Variants in ANKS1B observed in about 807,000 individuals in gnomAD.
ANKS1B encodes ankyrin repeat and sterile alpha motif domain-containing protein 1B.
A neutral mutation model predicts 148.3 loss-of-function variants in ANKS1B; 36 were observed. That is an observed-to-expected ratio of 0.24 (90% CI 0.19 to 0.32). The LOEUF is 0.32. ANKS1B is among the 10% of genes least tolerant of loss of function. ANKS1B has a pLI of 1.00. For missense variants in ANKS1B, 1,157 were observed against 1,542.6 expected (o/e 0.75, Z 4.19); for synonymous variants, 542 against 560.8 (o/e 0.97, Z 0.47).
At chr12:99,538,981 C>T (rs1003191874) in intron 9 of ANKS1B, among the ~76,000 whole-genome samples, 5 of 152,134 alleles carry the variant, frequency 3.3e-5, no homozygotes, top group Admixed American at 1.3e-4. Context: ...GCTTTTTCAG[C>T]ATCAATCGAA....
At chr12:99,742,933 A>C (rs1198148682) in intron 8 of ANKS1B, among the ~76,000 whole-genome samples, 1 of 152,020 alleles carries the variant, frequency 6.6e-6, no homozygotes, top group Non-Finnish European at 1.5e-5. Flanking sequence ...ATTTTTTAGC[A>C]AATCCTCACA....
chr12:99,871,227 T>G (rs2091470241), intron 1 of ANKS1B, among the ~76,000 whole-genome samples: 1 of 152,156 alleles, frequency 6.6e-6, no homozygotes, highest in Non-Finnish European at 1.5e-5. Flanking sequence ...TGTAGGTGTG[T>G]GGCTTCATTT....
intron 9 of ANKS1B, among the ~76,000 whole-genome samples, chr12:98,737,876 A>G (rs2097781089): frequency 4.6e-5 from 7 of 152,252 alleles, no homozygotes; most frequent in Admixed American, 4.6e-4. Context: ...GACATTTTAT[A>G]TTATAATTTA....
chr12:98,763,300 T>C (rs1190705927), intron 25 of ANKS1B, among the ~76,000 whole-genome samples: 1 of 152,236 alleles, frequency 6.6e-6, no homozygotes, highest in Non-Finnish European at 1.5e-5. Context: ...GCTCTACCTA[T>C]AGTTAGTTCT....
chr12:99,976,625 C>A (rs2095632984), intron 1 of ANKS1B, among the ~76,000 whole-genome samples: 1 of 152,106 alleles, frequency 6.6e-6, no homozygotes, highest in Non-Finnish European at 1.5e-5. Flanking sequence ...AAGTGATTAA[C>A]CACTTCAAAT....
chr12:99,044,936 G>C (rs1272118495), intron 17 of ANKS1B, among the ~76,000 whole-genome samples: 1 of 152,146 alleles, frequency 6.6e-6, no homozygotes, highest in Non-Finnish European at 1.5e-5. Context: ...AAGATTCAAA[G>C]TCAAGTGACC....
At chr12:98,888,268 T>A (rs1368679423) in intron 17 of ANKS1B, among the ~76,000 whole-genome samples, 3 of 152,250 alleles carry the variant, frequency 2.0e-5, no homozygotes, top group African/African-American at 7.2e-5. Context: ...TGTATTTTCC[T>A]GTGTTTTTAA....
rs117286242 is a variant in ANKS1B, at chr12:99,039,902, T to C, written c.2778+13255A>G. 6.1e-4 allele frequency among the ~76,000 whole-genome samples: 93 copies of C among 152,340 alleles called. 2 individuals carry two copies. In the East Asian group the frequency reaches 0.016, roughly 26 times the overall value. On this transcript the variant is annotated intron_variant, in intron 17 of 26. Coordinates refer to ENST00000683438, the MANE Select transcript of ANKS1B (RefSeq NM_001352186.2). ...GGTGAAGTTATACATCAGCTGATGA[T>C]CAGATCAGACTAGTTCACAGTAAGT...
chr12:99,349,827 G>A (rs1374133891), intron 12 of ANKS1B, among the ~76,000 whole-genome samples: 5 of 151,940 alleles, frequency 3.3e-5, no homozygotes, highest in Non-Finnish European at 7.4e-5. Flanking sequence ...AAGCCAACTA[G>A]ACCTAATAGA....
intron 9 of ANKS1B, among the ~76,000 whole-genome samples, chr12:99,542,899 T>C (rs1371682841): frequency 1.3e-5 from 2 of 152,020 alleles, no homozygotes; most frequent in East Asian, 3.9e-4. Flanking sequence ...GGAAGAAGTA[T>C]AGATAAATCT....
chr12:98,921,012 A>T (rs1486397740), intron 17 of ANKS1B, among the ~76,000 whole-genome samples: 2 of 152,232 alleles, frequency 1.3e-5, no homozygotes, highest in Non-Finnish European at 2.9e-5. Context: ...GATTCAATAC[A>T]TGTATATAAT....
chr12:99,200,756 T>G (rs186159966), intron 14 of ANKS1B, among the ~76,000 whole-genome samples: 18 of 152,256 alleles, frequency 1.2e-4, no homozygotes, highest in African/African-American at 4.3e-4. Context: ...CAATGAAGAT[T>G]CTAGGCAGTT....
intron 9 of ANKS1B, among the ~76,000 whole-genome samples, chr12:99,561,787 G>A (rs2153199305): frequency 6.6e-6 from 1 of 152,152 alleles, no homozygotes; most frequent in Admixed American, 6.5e-5. Flanking sequence ...CATGAGGGTT[G>A]GAATTAACTT....
At chr12:99,659,319 C>T (rs145224936) in intron 8 of ANKS1B, among the ~76,000 whole-genome samples, 2 of 152,260 alleles carry the variant, frequency 1.3e-5, no homozygotes, top group African/African-American at 4.8e-5. Context: ...CAGATGGTTT[C>T]ATTTATTCCA....
At chr12:99,346,994 G>T (rs1428134688) in intron 12 of ANKS1B, among the ~76,000 whole-genome samples, 1 of 151,984 alleles carries the variant, frequency 6.6e-6, no homozygotes, top group Non-Finnish European at 1.5e-5. Context: ...TGGTCCTGAA[G>T]AAAGCACCTT....
intron 12 of ANKS1B, among the ~76,000 whole-genome samples, chr12:99,375,113 G>A (rs1038683559): frequency 9.8e-5 from 15 of 152,290 alleles, no homozygotes; most frequent in East Asian, 1.9e-4. Context: ...AAGATAATCC[G>A]TTAGTTGAGT....
chr12:98,846,025 C>T (rs11109625), intron 17 of ANKS1B, among the ~76,000 whole-genome samples: 14 of 149,966 alleles, frequency 9.3e-5, no homozygotes, highest in Admixed American at 2.7e-4. Flanking sequence ...CACATACACA[C>T]ATATATATAT....
chr12:99,291,607 A>G (rs1474465117), intron 12 of ANKS1B, among the ~76,000 whole-genome samples: 2 of 152,210 alleles, frequency 1.3e-5, no homozygotes, highest in Non-Finnish European at 2.9e-5. Context: ...CAGTGAACTT[A>G]TTTTTGACAA....
chr12:98,754,308 T>C (rs575701781), intron 25 of ANKS1B, among the ~76,000 whole-genome samples: 1 of 152,312 alleles, frequency 6.6e-6, no homozygotes, highest in Non-Finnish European at 1.5e-5. Context: ...GCTCTGACCA[T>C]CACTGCACAA....
Sources: gnomAD v4.1 joint callset for allele counts (sites outside exome capture counted in the v4.1 genomes callset) on GRCh38, gnomAD v4.1.1 for gene constraint, MANE v1.5 for transcripts, NCBI Gene and HGNC (gene_info 2026-07-23, HGNC 2026-07-21) for gene names.